USP34: variants seen among roughly 807,000 people sequenced by gnomAD.
USP34 encodes the protein ubiquitin specific peptidase 34, also known as ubiquitin carboxyl-terminal hydrolase 34.
Under a neutral mutation model 460.3 loss-of-function variants are expected in USP34, and 70 were observed. That is an observed-to-expected ratio of 0.15 (90% CI 0.13 to 0.19). The LOEUF (loss-of-function observed/expected upper bound fraction) is 0.19. Ranked by LOEUF, USP34 falls within the 10% of genes least tolerant of loss-of-function variation. The pLI, the probability that USP34 is intolerant of heterozygous loss-of-function variation, is 1.00. For synonymous variants in USP34, 1,647 were observed against 1,405.3 expected (o/e 1.17, Z -3.85); for missense variants, 3,985 against 4,236.2 (o/e 0.94, Z 1.65).
chr2:61,354,555 A>T (rs1235854468), intron 10 of USP34, among the ~76,000 whole-genome samples: 1 of 152,200 alleles, frequency 6.6e-6, no homozygotes, highest in African/African-American at 2.4e-5. Flanking sequence ...AGATGGTAGC[A>T]ACCACAAACT....
At position 61,420,836 on chromosome 2, in the gene USP34, G is replaced by T; in HGVS notation, c.44-3C>A. 6.3e-7 allele frequency: 1 copy of T among 1,599,282 alleles called. No individual in the cohort carries two copies. Among genetic ancestry groups the T allele is most frequent in the Non-Finnish European group, 8.5e-7 (1 of 1,173,676 alleles). ...ATCACCACCTTCTACATCTGATACT[G>T]AAATAAAAAAGAAATTTTAAAATTA... On this transcript the variant is annotated splice_region_variant and splice_polypyrimidine_tract_variant and intron_variant, in intron 1 of 79. Coordinates refer to ENST00000398571, the MANE Select transcript of USP34 (RefSeq NM_014709.4).
chr2:61,331,149 T>C, intron 20 of USP34, 127 bp downstream of exon 20: 1 of 815,008 alleles, frequency 1.2e-6, no homozygotes, highest in Non-Finnish European at 1.9e-6. Flanking sequence ...CTTTTCATAA[T>C]TTTATACAAA....
intron 30 of USP34, among the ~76,000 whole-genome samples, chr2:61,296,123 G>GT (rs1690021427): frequency 6.6e-6 from 1 of 152,086 alleles, no homozygotes; most frequent in Admixed American, 6.5e-5. Flanking sequence ...GCCAGGCATG[G>GT]TGCACACGCC....
At chr2:61,243,162 T>G (rs1471085664) in intron 51 of USP34, among the ~76,000 whole-genome samples, 1 of 150,022 alleles carries the variant, frequency 6.7e-6, no homozygotes, top group African/African-American at 2.5e-5. Flanking sequence ...TTATATTTTT[T>G]TGAGACGGAG....
intron 1 of USP34, among the ~76,000 whole-genome samples, chr2:61,440,239 C>T (rs1482542611): frequency 1.3e-5 from 2 of 152,138 alleles, no homozygotes; most frequent in African/African-American, 2.4e-5. Flanking sequence ...ACTCTGCCAT[C>T]CCACACCTCA....
At chr2:61,347,237 T>C (rs1027851161) in intron 15 of USP34, among the ~76,000 whole-genome samples, 1 of 152,196 alleles carries the variant, frequency 6.6e-6, no homozygotes, top group Admixed American at 6.5e-5. Flanking sequence ...GTATAAAATA[T>C]GCACTAAATA....
intron 48 of USP34, among the ~76,000 whole-genome samples, chr2:61,252,496 T>C (rs1189333775): frequency 6.6e-6 from 1 of 152,162 alleles, no homozygotes; most frequent in African/African-American, 2.4e-5. Context: ...GACAAAAATA[T>C]ACAAACTCTG....
chr2:61,304,975 C>T (rs1690355976), intron 27 of USP34, among the ~76,000 whole-genome samples: 1 of 152,034 alleles, frequency 6.6e-6, no homozygotes, highest in African/African-American at 2.4e-5. Flanking sequence ...TAATTGAATA[C>T]TGAAAACACA....
chr2:61,326,002 C>T (rs1691076218), intron 20 of USP34, among the ~76,000 whole-genome samples: 1 of 151,938 alleles, frequency 6.6e-6, no homozygotes, highest in African/African-American at 2.4e-5. Context: ...AAAAAAGTTG[C>T]TTTTGAAACT....
intron 5 of USP34, among the ~76,000 whole-genome samples, chr2:61,392,374 A>G (rs1693375733): frequency 6.6e-6 from 1 of 152,218 alleles, no homozygotes; most frequent in South Asian, 2.1e-4. Context: ...CTGTAATCCC[A>G]GCACTTTGGG....
chr2:61,345,433 C>A (rs1253849898), intron 15 of USP34, among the ~76,000 whole-genome samples: 1 of 152,150 alleles, frequency 6.6e-6, no homozygotes, highest in African/African-American at 2.4e-5. Context: ...TAATTGCATT[C>A]TGGAAGATCT....
intron 7 of USP34, among the ~76,000 whole-genome samples, chr2:61,379,866 C>T (rs756103307): frequency 2.6e-5 from 4 of 152,244 alleles, no homozygotes; most frequent in Admixed American, 6.5e-5. Flanking sequence ...TCCAATTATT[C>T]CTCTTTCTCA....
intron 5 of USP34, among the ~76,000 whole-genome samples, chr2:61,393,782 T>C (rs1055773807): frequency 3.3e-5 from 5 of 152,194 alleles, no homozygotes; most frequent in African/African-American, 1.2e-4. Flanking sequence ...TACCAATTTT[T>C]TAAATTATGA....
Position 61,187,967 on chromosome 2 carries a change from G to A in USP34, c.*135C>T, listed in dbSNP as rs1430313863. On this transcript the variant is annotated 3_prime_UTR_variant, in exon 80 of 80. Transcript: ENST00000398571. ...GGAGTTCTGCCTGACCAAGAATTAA[G>A]CCTATAAATCTATCTTGCCATTCAA... 6.9e-7 allele frequency: 1 copy of A among 1,449,720 alleles called. No individual in the cohort carries two copies. Among genetic ancestry groups the A allele is most frequent in the Non-Finnish European group, 9.1e-7 (1 of 1,100,862 alleles). The allele number at this position is 1,449,720 out of a possible 1,614,324, so 89.8% of individuals were successfully genotyped here. A position where few individuals can be genotyped will look rare whatever the true frequency, so the allele number is the denominator to read the frequency against.
intron 64 of USP34, 83 bp from the exon 65 acceptor site, chr2:61,222,746 G>C: frequency 7.7e-7 from 1 of 1,301,990 alleles, no homozygotes; most frequent in Non-Finnish European, 1.1e-6. Flanking sequence ...ACCCAGGCTG[G>C]GATGCAGTGG....
intron 3 of USP34, among the ~76,000 whole-genome samples, chr2:61,404,539 C>T (rs1693812699): frequency 6.6e-6 from 1 of 152,140 alleles, no homozygotes; most frequent in Non-Finnish European, 1.5e-5. Context: ...CTTTTGCCTT[C>T]CTGGAGCACT....
chr2:61,353,893 C>T (rs1692028919), intron 10 of USP34, among the ~76,000 whole-genome samples: 1 of 152,080 alleles, frequency 6.6e-6, no homozygotes, highest in African/African-American at 2.4e-5. Context: ...ATGAACAATA[C>T]ACTACACAAG....
rs1690840976 is a variant in USP34, at chr2:61,319,238, G to C, written c.3103C>G (p.Gln1035Glu). 6.3e-7 allele frequency: 1 copy of C among 1,592,852 alleles called. No individual in the cohort carries two copies. Among genetic ancestry groups the C allele is most frequent in the Non-Finnish European group, 8.5e-7 (1 of 1,173,626 alleles). Residue 1035 changes from glutamine (Q) to glutamate (E), a missense_variant, in exon 22 of 80, where the codon CAA becomes GAA. This residue lies in a region of USP34 where 1,114 missense variants were observed against 1,122.5 expected (regional missense o/e 0.99). Transcript: ENST00000398571. ...YDDALHWFLN[Q>E]VRSKDQHAMG... ...GCATGTTGATCTTTACTTCGAACTT[G>C]ATTTAAAAACCAATGGAGTGCATCA...
At chr2:61,404,824 T>C (rs1693821114) in intron 3 of USP34, among the ~76,000 whole-genome samples, 1 of 152,188 alleles carries the variant, frequency 6.6e-6, no homozygotes, top group South Asian at 2.1e-4. Flanking sequence ...CCACTATGCC[T>C]AGAAATCAAT....
Sources: gnomAD v4.1 joint callset for allele counts (sites outside exome capture counted in the v4.1 genomes callset) on GRCh38, gnomAD v4.1.1 for gene constraint, gnomAD v4.1.1 regional missense constraint, MANE v1.5 for transcripts, NCBI Gene and HGNC (gene_info 2026-07-23, HGNC 2026-07-21) for gene names.